Variants in HLCS observed in about 807,000 individuals in gnomAD.
HLCS encodes the protein holocarboxylase synthetase.
Under a neutral mutation model 75.0 loss-of-function variants are expected in HLCS, and 53 were observed. That is an observed-to-expected ratio of 0.71 (90% CI 0.57 to 0.89). The LOEUF is 0.89. HLCS is among the 40% of genes least tolerant of loss of function. The pLI is 0.00. For synonymous variants in HLCS, 431 were observed against 428.6 expected (o/e 1.01, Z -0.07); for missense variants, 966 against 1,074.0 (o/e 0.90, Z 1.41).
chr21:36,877,418 T>G (rs1361444224), intron 6 of HLCS, among the ~76,000 whole-genome samples: 2 of 152,124 alleles, frequency 1.3e-5, no homozygotes, highest in Non-Finnish European at 2.9e-5. Flanking sequence ...ATGTGTTTAG[T>G]GGTTATCCTA....
chr21:36,834,858 C>A (rs995766672), intron 6 of HLCS, among the ~76,000 whole-genome samples: 2 of 152,150 alleles, frequency 1.3e-5, no homozygotes, highest in African/African-American at 4.8e-5. Context: ...CTGGCCCCAG[C>A]AGACACTTCT....
intron 6 of HLCS, among the ~76,000 whole-genome samples, chr21:36,896,388 G>A (rs2065013108): frequency 6.6e-6 from 1 of 152,150 alleles, no homozygotes; most frequent in Admixed American, 6.5e-5. Flanking sequence ...GGATAGCAAT[G>A]TACCAAAAAC....
intron 6 of HLCS, among the ~76,000 whole-genome samples, chr21:36,769,877 CA>C (rs893135220): frequency 6.6e-6 from 1 of 152,130 alleles, no homozygotes; most frequent in Non-Finnish European, 1.5e-5. Flanking sequence ...TCCGAATGAA[CA>C]AAAACGTAAA....
chr21:36,926,461 A>G (rs2066411222), intron 5 of HLCS, among the ~76,000 whole-genome samples: 2 of 152,234 alleles, frequency 1.3e-5, no homozygotes, highest in Non-Finnish European at 1.5e-5. Flanking sequence ...TTAACATTCA[A>G]GTGTGACCAT....
At chr21:36,813,046 G>A (rs972244438) in intron 6 of HLCS, among the ~76,000 whole-genome samples, 29 of 152,172 alleles carry the variant, frequency 1.9e-4, no homozygotes, top group African/African-American at 4.8e-5. Context: ...GCAACAGAGC[G>A]AGATTCTGTC....
chr21:36,983,402 G>T (rs1431081580), intron 1 of HLCS, among the ~76,000 whole-genome samples: 1 of 151,530 alleles, frequency 6.6e-6, no homozygotes, highest in East Asian at 2.0e-4. Context: ...GTAGAGATGG[G>T]GTTTCACTAT....
intron 6 of HLCS, among the ~76,000 whole-genome samples, chr21:36,808,326 A>G (rs1164211972): frequency 6.6e-6 from 1 of 152,234 alleles, no homozygotes; most frequent in Non-Finnish European, 1.5e-5. Context: ...ATTTTAAAAA[A>G]CTATTTCCTT....
chr21:36,806,312 C>G (rs1015032166), intron 6 of HLCS: 1 of 152,228 alleles, frequency 6.6e-6, no homozygotes, highest in Non-Finnish European at 1.5e-5. Flanking sequence ...TGGTCAGAAG[C>G]CACCTCACTG....
chr21:36,788,610 T>C (rs1467857), intron 6 of HLCS, among the ~76,000 whole-genome samples: 60,251 of 151,940 alleles, frequency 0.4, 12,199 homozygotes, highest in Middle Eastern at 0.48. Flanking sequence ...CAGTAATGAG[T>C]GTGGGAGGAG....
chr21:36,757,929 T>C (rs763428368), intron 9 of HLCS, among the ~76,000 whole-genome samples: 1 of 151,662 alleles, frequency 6.6e-6, no homozygotes, highest in Non-Finnish European at 1.5e-5. Flanking sequence ...CTAGGAGGAG[T>C]AGCAACACTC....
At chr21:36,983,580 G>A (rs1386025277) in intron 1 of HLCS, among the ~76,000 whole-genome samples, 1 of 151,858 alleles carries the variant, frequency 6.6e-6, no homozygotes, top group Non-Finnish European at 1.5e-5. Context: ...GCTCACGCCT[G>A]TAATCCCAAC....
At chr21:36,942,913 G>A (rs2067215926) in intron 2 of HLCS, among the ~76,000 whole-genome samples, 1 of 151,710 alleles carries the variant, frequency 6.6e-6, no homozygotes, top group South Asian at 2.1e-4. Flanking sequence ...CTGGGCGACA[G>A]AGCGAGACTC....
chr21:36,901,474 C>T (rs551332145), intron 5 of HLCS, among the ~76,000 whole-genome samples: 46 of 152,286 alleles, frequency 3.0e-4, no homozygotes, highest in Non-Finnish European at 5.1e-4. Flanking sequence ...GACTACAAAC[C>T]GGGTGGCTTG....
In HLCS at chr21:36,913,654, G is replaced by C. The variant is rs1363947042; in HGVS notation, c.1621-16523C>G. Among the ~76,000 whole-genome samples the C allele has an allele frequency of 2.6e-5, 4 of 152,116 alleles. 1 individual carries two copies. The highest frequency in any genetic ancestry group is 9.7e-5 in the African/African-American group (4 of 41,410). On this transcript the variant is annotated intron_variant, in intron 5 of 10. Transcript: ENST00000674895. Reference sequence around the variant, plus strand: ...TGGGTGCCTGTAGTCCCAGCTACTTGGGAAGCTGAGGCAGAAGATTCACTT... The same window carrying C: ...TGGGTGCCTGTAGTCCCAGCTACTTCGGAAGCTGAGGCAGAAGATTCACTT...
intron 2 of HLCS, among the ~76,000 whole-genome samples, chr21:36,955,739 C>G (rs1177074281): frequency 6.6e-6 from 1 of 152,130 alleles, no homozygotes; most frequent in Admixed American, 6.5e-5. Context: ...CTGTTGTGTC[C>G]TAGGCTTTCA....
At chr21:36,966,750 G>C (rs1007404509), upstream of HLCS, 10 of 326,560 alleles carry the variant, frequency 3.1e-5, no homozygotes, top group African/African-American at 2.3e-4. Flanking sequence ...GGCGGCGCGG[G>C]GGTGGGGACG....
chr21:36,929,960 G>A (rs915363150), intron 5 of HLCS, among the ~76,000 whole-genome samples: 51 of 152,288 alleles, frequency 3.3e-4, no homozygotes, highest in African/African-American at 1.2e-3. Flanking sequence ...AATGAATAAA[G>A]TTACAGTCTG....
intron 1 of HLCS, among the ~76,000 whole-genome samples, chr21:36,985,286 T>A (rs73196097): frequency 0.17 from 25,513 of 152,294 alleles, 2,297 homozygotes; most frequent in South Asian, 0.26. Flanking sequence ...GTCTCTTTAT[T>A]CCCTTTTAAT....
At chr21:36,791,135 T>C (rs536666951) in intron 6 of HLCS, among the ~76,000 whole-genome samples, 1 of 152,280 alleles carries the variant, frequency 6.6e-6, no homozygotes, top group African/African-American at 2.4e-5. Flanking sequence ...AAATAAAACC[T>C]GCTCACCGTG....
Sources: gnomAD v4.1 joint callset for allele counts (sites outside exome capture counted in the v4.1 genomes callset) on GRCh38, gnomAD v4.1.1 for gene constraint, MANE v1.5 for transcripts, NCBI Gene and HGNC (gene_info 2026-07-23, HGNC 2026-07-21) for gene names.